F5: variants seen among roughly 807,000 people sequenced by gnomAD.
F5 encodes activated protein c cofactor.
In F5, 138 loss-of-function variants were observed where a neutral mutation model predicts 216.4. The ratio of observed to expected loss-of-function variants is 0.64; its 90% CI spans 0.56 to 0.73. F5 has a LOEUF of 0.73. Ranked by LOEUF, F5 falls within the 30% of genes least tolerant of loss-of-function variation. F5 has a pLI of 0.00. For missense variants in F5, 2,403 were observed against 2,674.0 expected, an observed-to-expected ratio of 0.90 and a Z score of 2.24; for synonymous variants, 916 against 930.7, an observed-to-expected ratio of 0.98 and a Z score of 0.29.
chr1:169,582,842 G>A (rs1392484008), intron 1 of F5, among the ~76,000 whole-genome samples: 1 of 152,166 alleles, frequency 6.6e-6, no homozygotes, highest in Non-Finnish European at 1.5e-5. Context: ...GATTTTATAT[G>A]ATTAAAATAT....
At chr1:169,543,586 C>G (rs1659926993) in intron 12 of F5, among the ~76,000 whole-genome samples, 2 of 151,986 alleles carry the variant, frequency 1.3e-5, no homozygotes, top group African/African-American at 4.8e-5. Flanking sequence ...GAGCTCTATC[C>G]CCACAAATAA....
chr1:169,569,751 C>T (rs1660684371), intron 3 of F5, among the ~76,000 whole-genome samples: 1 of 152,024 alleles, frequency 6.6e-6, no homozygotes, highest in African/African-American at 2.4e-5. Flanking sequence ...CCAGAGTTCT[C>T]TTATGTTCTG....
Position 169,530,342 on chromosome 1 carries a change from C to T in F5, c.5208+444G>A, listed in dbSNP as rs1349111553. Among the ~76,000 whole-genome samples, 4 of 152,114 alleles carry T rather than the reference C, an allele frequency of 2.6e-5. 1 individual carries two copies. Among genetic ancestry groups the T allele is most frequent in the African/African-American group, 4.8e-5 (2 of 41,416 alleles). ...TGCCTGAAATGGAGGAGTTGTTTCT[C>T]TTTTTAATTGACAGATAAAATTGTA... On this transcript the variant is annotated intron_variant, in intron 15 of 24. Transcript: ENST00000367797.
At chr1:169,573,656 T>A (rs1571599865) in intron 2 of F5, among the ~76,000 whole-genome samples, 1 of 152,290 alleles carries the variant, frequency 6.6e-6, no homozygotes, top group Middle Eastern at 3.4e-3. Flanking sequence ...GGTGCAGAAA[T>A]CAAGAATGAG....
intron 2 of F5, among the ~76,000 whole-genome samples, chr1:169,573,527 C>T (rs1302442246): frequency 6.6e-6 from 1 of 152,160 alleles, no homozygotes; most frequent in Non-Finnish European, 1.5e-5. Flanking sequence ...TGATGGATTG[C>T]ATGTGGCTTG....
intron 4 of F5, among the ~76,000 whole-genome samples, chr1:169,559,594 C>A (rs1320520817): frequency 6.6e-6 from 1 of 152,076 alleles, no homozygotes; most frequent in Non-Finnish European, 1.5e-5. Context: ...CCATTTCCCC[C>A]AGTCTCAATA....
intron 13 of F5, among the ~76,000 whole-genome samples, chr1:169,537,083 G>A (rs776859694): frequency 2.6e-5 from 4 of 151,998 alleles, no homozygotes; most frequent in Non-Finnish European, 5.9e-5. Context: ...AGTGCCATGA[G>A]GTCAGCCATT....
At chr1:169,555,139 T>C in intron 7 of F5, 43 bp downstream of exon 7, 1 of 1,610,982 alleles carries the variant, frequency 6.2e-7, no homozygotes, top group South Asian at 1.1e-5. Flanking sequence ...CTATGGAATG[T>C]GTCTTGAACC....
intron 11 of F5, among the ~76,000 whole-genome samples, chr1:169,545,058 T>A (rs1422888617): frequency 6.6e-6 from 1 of 152,228 alleles, no homozygotes; most frequent in Non-Finnish European, 1.5e-5. Flanking sequence ...ACTTATGTAC[T>A]AAGCATAGTA....
intron 16 of F5, 24 bp downstream of exon 16, chr1:169,529,584 T>C: frequency 6.3e-7 from 1 of 1,593,358 alleles, no homozygotes; most frequent in Non-Finnish European, 8.6e-7. Flanking sequence ...ATTAGGAGAT[T>C]AGATCAAAGT....
In F5 at chr1:169,550,652, A is replaced by G; in HGVS notation, c.1384T>C (p.Ser462Pro). ...FSPYEDEVNS[S>P]FTSGRNNTMI... ...GAAAGATTCAAACCTGAGGTGAAAG[A>G]AGAGTTGACTTCATCTTCATAAGGC... Residue 462 changes from serine (S) to proline (P), a missense_variant, in exon 9 of 25, where the codon TCT (serine) becomes CCT (proline). Ser to Pro is a moderately conservative substitution (Grantham distance 74). Around this residue, in one of 4 missense-constraint regions of F5, gnomAD observed 1,425 missense variants for 1,554.8 expected, o/e 0.92. Transcript: ENST00000367797. 6.2e-7 allele frequency: 1 copy of G among 1,613,374 alleles called. No homozygotes were observed. The highest frequency in any genetic ancestry group is 8.5e-7 in the Non-Finnish European group (1 of 1,179,306).
At chr1:169,532,144 A>G (rs938462790) in intron 14 of F5, among the ~76,000 whole-genome samples, 29 of 152,212 alleles carry the variant, frequency 1.9e-4, no homozygotes, top group African/African-American at 6.3e-4. Flanking sequence ...ATAAAACCTA[A>G]CATCCCTTCA....
At chr1:169,545,036 A>G (rs141848063) in intron 11 of F5, among the ~76,000 whole-genome samples, 1 of 152,338 alleles carries the variant, frequency 6.6e-6, no homozygotes, top group African/African-American at 2.4e-5. Flanking sequence ...GCTGTAGGCA[A>G]TATTTTTATT....
At chr1:169,559,039 A>G (rs549373450) in intron 5 of F5, 114 bp downstream of exon 5, 166 of 1,044,594 alleles carry the variant, frequency 1.6e-4, no homozygotes, top group Admixed American at 6.4e-4. Context: ...CCTTCTTGAT[A>G]GGGAGTTGCA....
In F5 at chr1:169,571,767, C is replaced by A. The variant is rs565430541; in HGVS notation, c.373+454G>T. Among the ~76,000 whole-genome samples, 159 of 152,216 alleles carry A rather than the reference C, an allele frequency of 1.0e-3. 1 individual carries two copies. The highest frequency in any genetic ancestry group is 3.3e-3 in the African/African-American group (136 of 41,554). ...AGTTAATTAGTTCTGGCATCTGTAA[C>A]CAAAGCCAAAAAAATAGGTATCGTC... On this transcript the variant is annotated intron_variant, in intron 3 of 24. Transcript: ENST00000367797.
intron 10 of F5, among the ~76,000 whole-genome samples, chr1:169,548,017 A>G (rs770189967): frequency 5.3e-5 from 8 of 152,222 alleles, no homozygotes; most frequent in Non-Finnish European, 1.2e-4. Flanking sequence ...ACCATCAAAA[A>G]GAACAAGATT....
intron 14 of F5, among the ~76,000 whole-genome samples, chr1:169,535,809 A>G (rs1179390319): frequency 1.3e-5 from 2 of 152,220 alleles, no homozygotes; most frequent in Non-Finnish European, 2.9e-5. Context: ...GTTTTTAAAA[A>G]GAGCAAATGG....
At chr1:169,526,081 T>C in intron 17 of F5, 64 bp from the exon 18 acceptor site, 3 of 1,096,754 alleles carry the variant, frequency 2.7e-6, no homozygotes, top group Non-Finnish European at 4.2e-6. Context: ...GGTTGATAGT[T>C]CTCTAAGAAT....
intron 23 of F5, 122 bp downstream of exon 23, chr1:169,518,290 T>G: frequency 8.1e-7 from 1 of 1,232,032 alleles, no homozygotes; most frequent in Non-Finnish European, 1.2e-6. Flanking sequence ...GGACCTAGGA[T>G]TTTAATCTGC....
Sources: gnomAD v4.1 joint callset for allele counts (sites outside exome capture counted in the v4.1 genomes callset) on GRCh38, gnomAD v4.1.1 for gene constraint, gnomAD v4.1.1 regional missense constraint, MANE v1.5 for transcripts, NCBI Gene and HGNC (gene_info 2026-07-23, HGNC 2026-07-21) for gene names.